FAM186A: variants seen among roughly 807,000 people sequenced by gnomAD.
FAM186A encodes the protein family with sequence similarity 186 member A, also known as protein FAM186A.
A neutral mutation model predicts 216.8 loss-of-function variants in FAM186A; 163 were observed. The observed-to-expected ratio is 0.75, with a 90% confidence interval of 0.66 to 0.86. FAM186A has a LOEUF of 0.86. Ranked by LOEUF, FAM186A falls within the 40% of genes least tolerant of loss-of-function variation. The pLI is 0.00. For missense variants in FAM186A, 2,184 were observed against 2,746.2 expected (o/e 0.80, Z 4.58); for synonymous variants, 805 against 1,025.3 (o/e 0.79, Z 4.10).
chr12:50,372,901 C>T (rs564403969), intron 1 of FAM186A, among the ~76,000 whole-genome samples: 241 of 94,432 alleles, frequency 2.6e-3, no homozygotes, highest in Middle Eastern at 0.01. Flanking sequence ...AAGACTCCGT[C>T]TAAAAAAAAA....
At chr12:50,371,413 G>A (rs532160512) in intron 1 of FAM186A, among the ~76,000 whole-genome samples, 5 of 152,038 alleles carry the variant, frequency 3.3e-5, no homozygotes, top group East Asian at 1.9e-4. Flanking sequence ...CACCGTGCCC[G>A]GCCAACTTAA....
intron 1 of FAM186A, among the ~76,000 whole-genome samples, chr12:50,365,034 G>A (rs1304005996): frequency 7.5e-4 from 16 of 21,474 alleles, no homozygotes; most frequent in Admixed American, 4.1e-3. Context: ...GTGAAACTCC[G>A]TCTCAAAAAA....
chr12:50,337,643 A>G (rs990944146), intron 4 of FAM186A, among the ~76,000 whole-genome samples: 22 of 151,518 alleles, frequency 1.5e-4, no homozygotes, highest in African/African-American at 5.1e-4. Context: ...CACGCCTGTC[A>G]TCCCAGCACT....
chr12:50,390,759 A>AT (rs1943349505), intron 1 of FAM186A, among the ~76,000 whole-genome samples: 1 of 151,784 alleles, frequency 6.6e-6, no homozygotes, highest in Non-Finnish European at 1.5e-5. Flanking sequence ...CCTTCACTAC[A>AT]TTTTTTCTCA....
intron 1 of FAM186A, among the ~76,000 whole-genome samples, chr12:50,364,336 C>T (rs956648768): frequency 1.3e-5 from 2 of 151,880 alleles, no homozygotes; most frequent in Non-Finnish European, 2.9e-5. Flanking sequence ...GGGCAGATCG[C>T]GAGGTCAGGA....
chr12:50,379,821 AT>A (rs1565895278), intron 1 of FAM186A, among the ~76,000 whole-genome samples: 1 of 152,154 alleles, frequency 6.6e-6, no homozygotes, highest in Non-Finnish European at 1.5e-5. Context: ...GAATATAGCT[AT>A]TGTATGTTAC....
intron 5 of FAM186A, among the ~76,000 whole-genome samples, chr12:50,333,393 A>G (rs1272003686): frequency 6.6e-6 from 1 of 151,996 alleles, no homozygotes; most frequent in East Asian, 1.9e-4. Flanking sequence ...TTAGCTGGGC[A>G]TGGTGGTGGG....
chr12:50,335,952 T>G (rs1942703833), intron 4 of FAM186A, among the ~76,000 whole-genome samples: 1 of 151,748 alleles, frequency 6.6e-6, no homozygotes, highest in South Asian at 2.1e-4. Flanking sequence ...GGTGAAACCC[T>G]GACTCTACTA....
intron 1 of FAM186A, among the ~76,000 whole-genome samples, chr12:50,390,857 T>C (rs1383689886): frequency 6.6e-6 from 1 of 152,084 alleles, no homozygotes. Context: ...CCCTGGCTAA[T>C]TGTTGTATGT....
chr12:50,334,154 C>T, intron 4 of FAM186A, 51 bp from the exon 5 acceptor site: 1 of 1,373,112 alleles, frequency 7.3e-7, no homozygotes, highest in Admixed American at 3.0e-5. Flanking sequence ...GACCCTACTT[C>T]AACAAACTTG....
chr12:50,382,220 T>G (rs73305105), intron 1 of FAM186A, among the ~76,000 whole-genome samples: 17,770 of 136,686 alleles, frequency 0.13, 1,889 homozygotes, highest in African/African-American at 0.3. Context: ...CACTCCAGCC[T>G]GGGTGACAAG....
At chr12:50,392,256 G>GTTGTTTGTTTGTTTGT (rs147405662) in intron 1 of FAM186A, 3 of 167,982 alleles carry the variant, frequency 1.8e-5, no homozygotes, top group Non-Finnish European at 3.7e-5. Flanking sequence ...TCACAGGTTT[G>GTTGTTTGTTTGTTTGT]TTGTTTGTTT....
At chr12:50,359,063 A>C (rs1195571679) in intron 3 of FAM186A, among the ~76,000 whole-genome samples, 2 of 152,136 alleles carry the variant, frequency 1.3e-5, no homozygotes, top group African/African-American at 4.8e-5. Flanking sequence ...AATGCAAACT[A>C]AAACCACAAT....
chr12:50,373,072 AAAGAGAAAAG>A (rs1943164745), intron 1 of FAM186A, among the ~76,000 whole-genome samples: 2 of 147,524 alleles, frequency 1.4e-5, no homozygotes, highest in African/African-American at 4.9e-5. Flanking sequence ...AGAAAGAAAG[AAAGAGAAAAG>A]AAAGAAAGAA....
At chr12:50,382,965 G>A (rs980282553) in intron 1 of FAM186A, among the ~76,000 whole-genome samples, 1 of 151,796 alleles carries the variant, frequency 6.6e-6, no homozygotes, top group Admixed American at 6.6e-5. Context: ...GGGCATAGCG[G>A]CTCATGCCTA....
intron 2 of FAM186A, among the ~76,000 whole-genome samples, chr12:50,362,647 G>A (rs1943046892): frequency 6.6e-6 from 1 of 150,584 alleles, no homozygotes; most frequent in Non-Finnish European, 1.5e-5. Context: ...GGGAGGCTGA[G>A]GCAGGAGAAT....
intron 4 of FAM186A, among the ~76,000 whole-genome samples, chr12:50,337,215 CAT>C (rs1054882381): frequency 3.4e-5 from 5 of 146,776 alleles, no homozygotes; most frequent in African/African-American, 1.2e-4. Flanking sequence ...TTATTGAAAT[CAT>C]ATTTCACTGC....
intron 2 of FAM186A, among the ~76,000 whole-genome samples, chr12:50,361,568 CTTTTTT>C (rs55919945): frequency 1.5e-5 from 2 of 133,306 alleles, no homozygotes. Context: ...ATCCAGTTGT[CTTTTTT>C]TTTTTTTTTT....
chr12:50,348,619 G>A (rs1051409658), intron 4 of FAM186A, among the ~76,000 whole-genome samples: 2 of 152,024 alleles, frequency 1.3e-5, no homozygotes, highest in African/African-American at 4.8e-5. Flanking sequence ...GAGTCCAGCG[G>A]CTCAATCTCG....
Sources: allele counts gnomAD v4.1 joint callset (sites outside exome capture counted in the v4.1 genomes callset), GRCh38; gene constraint gnomAD v4.1.1; transcripts MANE v1.5; gene names NCBI Gene and HGNC (gene_info 2026-07-23, HGNC 2026-07-21).